Variants in DNAH12 observed in about 807,000 individuals in gnomAD.
The protein encoded by DNAH12 is dynein axonemal heavy chain 12.
A neutral mutation model predicts 371.5 loss-of-function variants in DNAH12; 285 were observed. The ratio of observed to expected loss-of-function variants is 0.77; its 90% CI spans 0.70 to 0.85. The LOEUF (loss-of-function observed/expected upper bound fraction) is 0.85, where lower values mean the gene tolerates loss of function less well. DNAH12 is among the 40% of genes least tolerant of loss of function. DNAH12 has a pLI of 0.00. For synonymous variants in DNAH12, 1,200 were observed against 1,213.0 expected (o/e 0.99, Z 0.22); for missense variants, 3,611 against 3,689.4 (o/e 0.98, Z 0.55).
At chr3:57,417,122 T>A (rs1264352379) in intron 37 of DNAH12, among the ~76,000 whole-genome samples, 4 of 152,118 alleles carry the variant, frequency 2.6e-5, no homozygotes, top group Non-Finnish European at 1.5e-5. Context: ...TGGTGGCAAA[T>A]GCCTGTAATC....
chr3:57,453,563 TAGG>T (rs1468726287), intron 23 of DNAH12, among the ~76,000 whole-genome samples, 160 bp from the exon 24 acceptor site: 2 of 152,078 alleles, frequency 1.3e-5, no homozygotes, highest in African/African-American at 4.8e-5. Flanking sequence ...TCCCAGCATC[TAGG>T]AGGTTAAGAT....
intron 45 of DNAH12, among the ~76,000 whole-genome samples, chr3:57,390,424 AATATATAT>A (rs1159621191): frequency 1.8e-4 from 6 of 33,436 alleles, no homozygotes; most frequent in African/African-American, 3.8e-4. Flanking sequence ...AAAAAAAAAA[AATATATAT>A]ATATATATAT....
At chr3:57,348,962 A>G (rs1575487792) in intron 60 of DNAH12, among the ~76,000 whole-genome samples, 2 of 152,310 alleles carry the variant, frequency 1.3e-5, no homozygotes, top group Non-Finnish European at 2.9e-5. Context: ...TGCAACAAAA[A>G]CAAAGATAAA....
chr3:57,349,181 A>G (rs1276142023), intron 60 of DNAH12, among the ~76,000 whole-genome samples: 2 of 152,194 alleles, frequency 1.3e-5, no homozygotes, highest in African/African-American at 2.4e-5. Context: ...TGAATACACA[A>G]TTCTCAAAAG....
chr3:57,458,754 T>C (rs186671059), intron 20 of DNAH12, among the ~76,000 whole-genome samples: 606 of 152,338 alleles, frequency 4.0e-3, no homozygotes, highest in Non-Finnish European at 6.4e-3. Context: ...CACTCATTCA[T>C]TTACAGATTA....
rs1248301081 is a variant in DNAH12 at position 57,362,842 on chromosome 3, T to G, written c.9360+752A>C. Reference sequence around the variant, plus strand: ...TTGCCTGTTCACTCTGAGGGAAGTTTCCTTTGCTGTGCAGAAGCTCTTTAG... The same window carrying G: ...TTGCCTGTTCACTCTGAGGGAAGTTGCCTTTGCTGTGCAGAAGCTCTTTAG... On this transcript the variant is annotated intron_variant, in intron 58 of 73. Coordinates refer to ENST00000495027, the MANE Select transcript of DNAH12 (RefSeq NM_001366028.2). Among the ~76,000 whole-genome samples the G allele has an allele frequency of 5.9e-5, 9 of 152,310 alleles. No homozygotes were observed. The South Asian group carries it at 1.4e-3, about 25-fold the overall frequency.
In DNAH12 at chr3:57,354,550, G is replaced by GA. The variant is rs1178880629; in HGVS notation, c.9534-2326dup. Among the ~76,000 whole-genome samples, 84 of 136,840 alleles carry GA rather than the reference G, an allele frequency of 6.1e-4. 1 individual carries two copies. In the South Asian group the frequency reaches 6.4e-3, roughly 10 times the overall value. 89.8% of individuals were successfully genotyped at this position (136,840 alleles called of 152,430 possible). A position where few individuals can be genotyped will look rare whatever the true frequency, so the allele number is the denominator to read the frequency against. On this transcript the variant is annotated intron_variant, in intron 59 of 73. Transcript: ENST00000495027. ...ATGTCTTGTTTGCTAAAAAAAAAAA[G>GA]AAAAAAAAAAAGAAAAAAAATCTAA...
At chr3:57,477,704 C>T (rs1226788693) in intron 13 of DNAH12, among the ~76,000 whole-genome samples, 1 of 152,134 alleles carries the variant, frequency 6.6e-6, no homozygotes, top group African/African-American at 2.4e-5. Flanking sequence ...CTCACACGGC[C>T]GGGTACTCTT....
chr3:57,459,752 GTTTC>G lies in DNAH12; in HGVS notation c.2767_2770del (p.Glu923GlnfsTer6). 1 of 1,525,854 alleles carries G rather than the reference GTTTC, an allele frequency of 6.6e-7. No individual in the cohort carries two copies. Among genetic ancestry groups the G allele is most frequent in the Non-Finnish European group, 8.9e-7 (1 of 1,129,630 alleles). The allele number at this position is 1,525,854 out of a possible 1,614,324, so 94.5% of individuals were successfully genotyped here. On this transcript the variant is annotated frameshift_variant, in exon 20 of 74. Coordinates refer to ENST00000495027, the MANE Select transcript of DNAH12 (RefSeq NM_001366028.2). LOFTEE classifies it high-confidence loss of function. ...TTGTACTTTTAACCATTCATCAATT[GTTTC>G]TTGTATTCGAATCAAGCGGTCCTCC...
At chr3:57,491,081 C>CAAAAAAAAAAAA (rs553885449) in intron 11 of DNAH12, among the ~76,000 whole-genome samples, 11 of 70,376 alleles carry the variant, frequency 1.6e-4, no homozygotes, top group Non-Finnish European at 2.5e-4. Flanking sequence ...GACTCTATCT[C>CAAAAAAAAAAAA]AAAAAAAAAA....
intron 11 of DNAH12, among the ~76,000 whole-genome samples, chr3:57,491,101 A>AAAAAAAAAC (rs2067109745): frequency 6.8e-6 from 1 of 147,766 alleles, no homozygotes; most frequent in Non-Finnish European, 1.5e-5. Flanking sequence ...AAAAAAAAAA[A>AAAAAAAAAC]CAACAAATAA....
In DNAH12 at chr3:57,457,883, G is replaced by A. The variant is rs1389069443; in HGVS notation, c.3174C>T (p.Pro1058=). Residue 1058 remains proline (P), a synonymous_variant, in exon 22 of 74, where the codon CCC becomes CCT. Transcript: ENST00000495027. ...TATACATGGCTTTAATGTCCAAATTGGGAAGGAACTCTAATTTAGCAATGC... is the reference window on the plus strand; with the variant it reads ...TATACATGGCTTTAATGTCCAAATTAGGAAGGAACTCTAATTTAGCAATGC... ...FEGIAKLEFL[P]NLDIKAMYSS... is the part of the protein sequence containing the mutation. The A allele has an allele frequency of 5.2e-6, 8 of 1,551,404 alleles. No homozygotes were observed. The highest frequency in any genetic ancestry group is 7.0e-6 in the Non-Finnish European group (8 of 1,146,978).
At chr3:57,535,521 A>AT (rs547784256) in intron 2 of DNAH12, among the ~76,000 whole-genome samples, 3 of 151,840 alleles carry the variant, frequency 2.0e-5, no homozygotes, top group South Asian at 2.1e-4. Context: ...ATAAACCTCT[A>AT]TTTTTTTTAT....
At chr3:57,459,314 G>A (rs906241964) in intron 20 of DNAH12, among the ~76,000 whole-genome samples, 5 of 152,144 alleles carry the variant, frequency 3.3e-5, no homozygotes, top group African/African-American at 9.7e-5. Flanking sequence ...ATTTTATGAG[G>A]AGGAGAGCAG....
At chr3:57,499,648 A>AAAAAAAAAAAAAAAATATATG (rs71088082) in intron 11 of DNAH12, among the ~76,000 whole-genome samples, 1 of 21,298 alleles carries the variant, frequency 4.7e-5, no homozygotes, top group Non-Finnish European at 9.3e-5. Context: ...AAAAAAAAAA[A>AAAAAAAAAAAAAAAATATATG]TATATATATA....
At chr3:57,419,639 G>GA (rs1491368110) in intron 36 of DNAH12, 121 bp from the exon 37 acceptor site, 2 of 599,810 alleles carry the variant, frequency 3.3e-6, no homozygotes, top group Non-Finnish European at 4.9e-6. Flanking sequence ...CCCTTTTAAT[G>GA]AAATATTACA....
chr3:57,378,100 T>C (rs895300260), intron 52 of DNAH12, among the ~76,000 whole-genome samples: 15 of 152,306 alleles, frequency 9.8e-5, no homozygotes, highest in South Asian at 2.1e-4. Flanking sequence ...CTCTCTTTTC[T>C]GCTTCTGACT....
intron 62 of DNAH12, among the ~76,000 whole-genome samples, chr3:57,326,296 G>A (rs1429622916): frequency 6.6e-6 from 1 of 152,024 alleles, no homozygotes; most frequent in Non-Finnish European, 1.5e-5. Context: ...AAAATGTTAA[G>A]GGCAGCCAGA....
Position 57,444,573 on chromosome 3 carries a change from G to C in DNAH12, c.4545+124C>G, listed in dbSNP as rs952447474. ...AATTTACTTATTGTTATTAACTAAA[G>C]TGGACAAAATAGGGGATTTTCCTCA... On this transcript the variant is annotated intron_variant, in intron 29 of 73. Transcript: ENST00000495027. 2.9e-6 allele frequency: 4 copies of C among 1,380,066 alleles called. No homozygotes were observed. The Admixed American group carries it at 1.0e-4, about 35-fold the overall frequency. The allele number at this position is 1,380,066 out of a possible 1,614,324, so 85.5% of individuals were successfully genotyped here.
Sources: allele counts gnomAD v4.1 joint callset (sites outside exome capture counted in the v4.1 genomes callset), GRCh38; gene constraint gnomAD v4.1.1; transcripts MANE v1.5; gene names NCBI Gene and HGNC (gene_info 2026-07-23, HGNC 2026-07-21).